Variants in RIN2 observed in about 807,000 individuals in gnomAD.
The protein encoded by RIN2 is Ras and Rab interactor 2.
Under a neutral mutation model 78.0 loss-of-function variants are expected in RIN2, and 36 were observed. That is an observed-to-expected ratio of 0.46 (90% CI 0.35 to 0.61). RIN2 has a LOEUF of 0.61. Ranked by LOEUF, RIN2 falls within the 20% of genes least tolerant of loss-of-function variation. The probability of loss-of-function intolerance (pLI) is 0.00; values close to 1 mark genes in which losing one functional copy is unlikely to be tolerated. For synonymous variants in RIN2, 466 were observed against 466.8 expected (o/e 1.00, Z 0.02); for missense variants, 1,087 against 1,159.7 (o/e 0.94, Z 0.91).
At chr20:19,879,126 C>T (rs558287068) in intron 2 of RIN2, among the ~76,000 whole-genome samples, 21 of 152,326 alleles carry the variant, frequency 1.4e-4, no homozygotes, top group Admixed American at 5.2e-4. Context: ...ATCCTATGTC[C>T]TTGTCACTCC....
intron 2 of RIN2, among the ~76,000 whole-genome samples, chr20:19,822,038 T>C (rs1447893177): frequency 6.6e-6 from 1 of 152,194 alleles, no homozygotes; most frequent in East Asian, 1.9e-4. Flanking sequence ...TGGCTCATTC[T>C]CCTCCCACTT....
intron 3 of RIN2, among the ~76,000 whole-genome samples, chr20:19,907,503 A>C (rs993197444): frequency 6.6e-6 from 1 of 152,190 alleles, no homozygotes; most frequent in African/African-American, 2.4e-5. Context: ...CACCAGAGCG[A>C]GGAAGGAAGG....
At chr20:19,968,478 T>C (rs1315091670) in intron 7 of RIN2, among the ~76,000 whole-genome samples, 1 of 152,060 alleles carries the variant, frequency 6.6e-6, no homozygotes, top group South Asian at 2.1e-4. Context: ...TGCATGTGCA[T>C]GTGTGTGTGC....
At chr20:19,985,275 G>A (rs1177678763) in intron 9 of RIN2, among the ~76,000 whole-genome samples, 1 of 152,214 alleles carries the variant, frequency 6.6e-6, no homozygotes, top group Non-Finnish European at 1.5e-5. Flanking sequence ...TAATGGAGGA[G>A]TGAATCAATT....
At position 19,941,283 on chromosome 20, in the gene RIN2, G is replaced by A. The variant is rs139042203; in HGVS notation, c.158+6084G>A. Among the ~76,000 whole-genome samples the A allele has an allele frequency of 3.3e-5, 5 of 152,270 alleles. No homozygotes were observed. In the East Asian group the frequency reaches 9.7e-4, roughly 29 times the overall value. On this transcript the variant is annotated intron_variant, in intron 4 of 12. Transcript: ENST00000255006. ...CAGAAGGCTCCTCCCTTGTACAATT[G>A]TTCACTTCTTCACTTGCCCAGAGGT... is the stretch of plus-strand genomic sequence containing the variant.
At chr20:19,999,701 T>A (rs1360571887) in intron 12 of RIN2, among the ~76,000 whole-genome samples, 3 of 152,206 alleles carry the variant, frequency 2.0e-5, no homozygotes, top group Non-Finnish European at 4.4e-5. Context: ...CTGGGCTTTG[T>A]ATCTTGTAAG....
At chr20:19,880,250 TAAAAA>T (rs10551811) in intron 2 of RIN2, among the ~76,000 whole-genome samples, 1 of 135,920 alleles carries the variant, frequency 7.4e-6, no homozygotes, top group Non-Finnish European at 1.6e-5. Flanking sequence ...GACTCTGTCT[TAAAAA>T]AAAAAAAAAA....
chr20:19,909,417 A>G (rs2039364404), intron 3 of RIN2, among the ~76,000 whole-genome samples: 1 of 152,164 alleles, frequency 6.6e-6, no homozygotes. Context: ...TTCCCAAGTG[A>G]CACAGAAGTT....
At chr20:19,874,017 G>A (rs369029209) in intron 2 of RIN2, among the ~76,000 whole-genome samples, 1 of 151,992 alleles carries the variant, frequency 6.6e-6, no homozygotes, top group East Asian at 1.9e-4. Flanking sequence ...CTGTAAACAA[G>A]TGTCCTTTTT....
In RIN2 at chr20:19,975,166, C is replaced by A. The variant is rs199954296; in HGVS notation, c.1141C>A (p.Arg381=). The A allele has an allele frequency of 6.2e-7, 1 of 1,611,358 alleles. No individual in the cohort carries two copies. The highest frequency in any genetic ancestry group is 1.3e-5 in the African/African-American group (1 of 74,850). ...EGGAKTLSGG[R]PGAGPELELG... is the part of the protein sequence containing the mutation. ...CGGTGCAAAGACCTTGAGCGGCGGC[C>A]GGCCGGGCGCAGGCCCGGAGCTGGA... Residue 381 remains arginine, a synonymous_variant, in exon 9 of 13, where the codon CGG becomes AGG. Transcript: ENST00000255006. The surrounding 1 kb of genome is among the most constrained non-coding windows in gnomAD (Gnocchi z 4.9).
intron 4 of RIN2, among the ~76,000 whole-genome samples, chr20:19,948,099 C>T (rs2041165483): frequency 6.6e-6 from 1 of 152,168 alleles, no homozygotes; most frequent in Non-Finnish European, 1.5e-5. Flanking sequence ...AAACAGGGTA[C>T]CTTGATAAAA....
intron 2 of RIN2, among the ~76,000 whole-genome samples, chr20:19,873,000 C>T (rs987972836): frequency 7.3e-5 from 11 of 151,434 alleles, no homozygotes; most frequent in Non-Finnish European, 1.3e-4. Flanking sequence ...TTTTTAAACT[C>T]ATTAGTGAAT....
intron 7 of RIN2, 88 bp from the exon 8 acceptor site, chr20:19,970,750 A>C: frequency 9.5e-7 from 1 of 1,052,444 alleles, no homozygotes; most frequent in Non-Finnish European, 1.4e-6. Flanking sequence ...TAAACAGTTT[A>C]AGCTAAAACA....
intron 1 of RIN2, among the ~76,000 whole-genome samples, chr20:19,773,988 G>A (rs908544590): frequency 6.6e-6 from 1 of 151,678 alleles, no homozygotes; most frequent in Non-Finnish European, 1.5e-5. Context: ...ATTTGCCCCT[G>A]ACCAGCACCC....
intron 2 of RIN2, among the ~76,000 whole-genome samples, chr20:19,825,965 G>T (rs2036077174): frequency 6.6e-6 from 1 of 152,160 alleles, no homozygotes; most frequent in Non-Finnish European, 1.5e-5. Flanking sequence ...AAGATTTTTA[G>T]CTGGAACTCA....
chr20:19,787,326 G>A (rs1403117537), intron 1 of RIN2, among the ~76,000 whole-genome samples: 1 of 151,358 alleles, frequency 6.6e-6, no homozygotes, highest in Non-Finnish European at 1.5e-5. Flanking sequence ...GGGAAGCTGA[G>A]GCAGGAGAAT....
chr20:19,995,802 G>A (rs1041367765), intron 11 of RIN2, among the ~76,000 whole-genome samples: 18 of 152,046 alleles, frequency 1.2e-4, no homozygotes, highest in East Asian at 3.8e-4. Flanking sequence ...TACTCATTGC[G>A]TTTTTTCCTT....
chr20:19,796,714 A>G (rs529912278), intron 1 of RIN2, among the ~76,000 whole-genome samples: 2 of 152,290 alleles, frequency 1.3e-5, no homozygotes, highest in Admixed American at 1.3e-4. Context: ...TTTGGGATGT[A>G]CTCTGGGCTT....
chr20:19,862,587 C>T (rs191364548), intron 2 of RIN2, among the ~76,000 whole-genome samples: 6 of 151,568 alleles, frequency 4.0e-5, no homozygotes, highest in Non-Finnish European at 2.9e-5. Context: ...AGTGAGACTC[C>T]GTCTCAAAAC....
Sources: allele counts gnomAD v4.1 joint callset (sites outside exome capture counted in the v4.1 genomes callset), GRCh38; gene constraint gnomAD v4.1.1; non-coding constraint Gnocchi (gnomAD v3.1); transcripts MANE v1.5; gene names NCBI Gene and HGNC (gene_info 2026-07-23, HGNC 2026-07-21).